PDPR: variants seen among roughly 807,000 people sequenced by gnomAD.
PDPR encodes the protein pyruvate dehydrogenase phosphatase regulatory subunit.
PDPR carries 50 observed loss-of-function variants against 102.2 expected under a neutral mutation model. That is an observed-to-expected ratio of 0.49 (90% CI 0.39 to 0.62). PDPR has a LOEUF of 0.62. PDPR is among the 20% of genes least tolerant of loss of function. PDPR has a pLI of 0.00. For missense variants in PDPR, 625 were observed against 1,098.2 expected, an observed-to-expected ratio of 0.57 and a Z score of 6.09; for synonymous variants, 259 against 406.0, an observed-to-expected ratio of 0.64 and a Z score of 4.35.
intron 9 of PDPR, among the ~76,000 whole-genome samples, chr16:70,134,785 C>CAAA (rs373669213): frequency 1.8e-3 from 242 of 136,888 alleles, no homozygotes; most frequent in African/African-American, 2.4e-3. Flanking sequence ...GACTCCATCT[C>CAAA]AAAAAAAAAA....
intron 9 of PDPR, among the ~76,000 whole-genome samples, 180 bp downstream of exon 9, chr16:70,132,480 G>A (rs1208227413): frequency 6.6e-6 from 1 of 152,236 alleles, no homozygotes; most frequent in Admixed American, 6.5e-5. Flanking sequence ...GCAGATTCAG[G>A]GGACTAAAAT....
chr16:70,116,034 T>C (rs1421957797), intron 2 of PDPR, among the ~76,000 whole-genome samples: 1 of 149,830 alleles, frequency 6.7e-6, no homozygotes, highest in African/African-American at 2.5e-5. Flanking sequence ...ACCACTTCAC[T>C]CTTTTGAAGG....
chr16:70,138,842 T>C (rs1264579559), intron 10 of PDPR, 57 bp from the exon 11 acceptor site: 3 of 1,606,250 alleles, frequency 1.9e-6, no homozygotes, highest in South Asian at 1.1e-5. Flanking sequence ...ATTTGTAGAA[T>C]ATTAATTTTC....
chr16:70,125,012 G>T (rs1214598921), intron 3 of PDPR, among the ~76,000 whole-genome samples: 1 of 152,192 alleles, frequency 6.6e-6, no homozygotes, highest in African/African-American at 2.4e-5. Context: ...ACAAATTAGA[G>T]AACATTTTTT....
chr16:70,130,433 C>A lies in PDPR; in HGVS notation c.618C>A (p.Ile206=), dbSNP rs753691201. ...ASAASQNGVQ[I]YDRTSVLHVM... is the part of the protein sequence containing the mutation. The stretch of plus-strand genomic sequence containing the variant: ...TTTACCTTGGAACAGGTGTTCAGAT[C>A]TATGACCGGACATCTGTTCTTCATG... Residue 206 remains isoleucine, a synonymous_variant, in exon 7 of 19, where the codon ATC becomes ATA. Transcript: ENST00000288050. 4 of 1,613,450 alleles carry A rather than the reference C, an allele frequency of 2.5e-6. No individual in the cohort carries two copies. The East Asian group carries it at 8.9e-5, about 36-fold the overall frequency.
intron 17 of PDPR, among the ~76,000 whole-genome samples, chr16:70,149,128 C>T (rs1379645355): frequency 6.6e-6 from 1 of 151,752 alleles, no homozygotes; most frequent in South Asian, 2.1e-4. Context: ...CTCCTGACCT[C>T]AGGTGATACA....
chr16:70,149,718 C>A (rs1439737609), intron 17 of PDPR, among the ~76,000 whole-genome samples: 1 of 152,260 alleles, frequency 6.6e-6, no homozygotes, highest in Non-Finnish European at 1.5e-5. Flanking sequence ...TATTTCTAGT[C>A]TTTTGCTGTT....
intron 3 of PDPR, among the ~76,000 whole-genome samples, chr16:70,123,357 C>T (rs1963552186): frequency 6.6e-6 from 1 of 152,250 alleles, no homozygotes; most frequent in African/African-American, 2.4e-5. Context: ...CCACCACAGC[C>T]TCCTGAGTAG....
intron 3 of PDPR, among the ~76,000 whole-genome samples, chr16:70,126,511 C>G (rs1414537851): frequency 2.8e-4 from 43 of 152,300 alleles, no homozygotes; most frequent in African/African-American, 1.0e-3. Context: ...CTACAGGCGC[C>G]TGCCACAATG....
Position 70,127,286 on chromosome 16 carries a change from G to C in PDPR, c.254G>C (p.Cys85Ser), listed in dbSNP as rs1339968038. Residue 85 changes from cysteine to serine, a missense_variant, in exon 4 of 19, where the codon TGT (cysteine) becomes TCT (serine). Coordinates refer to ENST00000288050, the MANE Select transcript of PDPR (RefSeq NM_017990.5). ...GRLAAGSTRF[C>S]AGILSTARHL... Reference sequence around the variant, plus strand: ...CTGGCTGCTGGCTCTACCAGGTTCTGTGCTGGCATCCTGAGCACTGCCAGG... The same window carrying C: ...CTGGCTGCTGGCTCTACCAGGTTCTCTGCTGGCATCCTGAGCACTGCCAGG... The C allele has an allele frequency of 6.2e-7, 1 of 1,607,352 alleles. No individual in the cohort carries two copies.
chr16:70,114,335 C>A lies in PDPR; in HGVS notation c.-248C>A, dbSNP rs566638522. On this transcript the variant is annotated 5_prime_UTR_variant, in exon 1 of 19. Coordinates refer to ENST00000288050, the MANE Select transcript of PDPR (RefSeq NM_017990.5). ...CGCTTCGCCCCGCCCCCTTCCCATC[C>A]CCGAACCCCGCTTTCCGGCCCGCGG... The A allele has an allele frequency of 1.3e-5, 2 of 152,196 alleles. No homozygotes were observed. Among genetic ancestry groups the A allele is most frequent in the African/African-American group, 4.8e-5 (2 of 41,468 alleles). The allele number at this position is 152,196 out of a possible 1,614,324, so 9.4% of individuals were successfully genotyped here. A position where few individuals can be genotyped will look rare whatever the true frequency, so the allele number is the denominator to read the frequency against.
In PDPR at chr16:70,157,351, G is replaced by A. The variant is rs970216437; in HGVS notation, c.*472G>A. ...CGGATGCAGCCCTGAGGGGCAGCTC[G>A]TGCCTGCAGCCCGGCAGCTCGTTCT... On this transcript the variant is annotated 3_prime_UTR_variant, in exon 19 of 19. Transcript: ENST00000288050. 1.9e-5 allele frequency: 7 copies of A among 376,362 alleles called. No homozygotes were observed. The highest frequency in any genetic ancestry group is 3.4e-5 in the Admixed American group (1 of 29,258). 23.3% of individuals were successfully genotyped at this position (376,362 alleles called of 1,614,324 possible). A position where few individuals can be genotyped will look rare whatever the true frequency, so the allele number is the denominator to read the frequency against.
intron 18 of PDPR, among the ~76,000 whole-genome samples, chr16:70,153,814 G>A (rs1406977260): frequency 1.3e-5 from 2 of 152,290 alleles, no homozygotes; most frequent in Non-Finnish European, 2.9e-5. Context: ...GGAGGCTGAG[G>A]CGGGTGGATC....
At chr16:70,134,535 G>C (rs1483854006) in intron 9 of PDPR, among the ~76,000 whole-genome samples, 1 of 148,320 alleles carries the variant, frequency 6.7e-6, no homozygotes, top group Non-Finnish European at 1.5e-5. Flanking sequence ...TTTAAGGCCT[G>C]TAATCCCAGC....
intron 13 of PDPR, 87 bp from the exon 14 acceptor site, chr16:70,143,423 T>C (rs1346545882): frequency 1.3e-6 from 2 of 1,500,940 alleles, no homozygotes; most frequent in East Asian, 2.3e-5. Flanking sequence ...TTGAATTTTC[T>C]CAATGAGGTT....
At chr16:70,128,096 T>G (rs1268472916) in intron 4 of PDPR, among the ~76,000 whole-genome samples, 1 of 152,274 alleles carries the variant, frequency 6.6e-6, no homozygotes, top group Non-Finnish European at 1.5e-5. Flanking sequence ...ATCCGACCCT[T>G]GGTAGCTGAT....
In PDPR at chr16:70,159,723, T is replaced by C. The variant is rs1026928859; in HGVS notation, c.*2844T>C. On this transcript the variant is annotated 3_prime_UTR_variant, in exon 19 of 19. Transcript: ENST00000288050. Reference sequence around the variant, plus strand: ...ACTTCCTGACCACCGGTGTCAGATATCAGAGCATTCTGGACTCCTGAGAGG... The same window carrying C: ...ACTTCCTGACCACCGGTGTCAGATACCAGAGCATTCTGGACTCCTGAGAGG... 11 of 152,906 alleles carry C rather than the reference T, an allele frequency of 7.2e-5. No homozygotes were observed. The highest frequency in any genetic ancestry group is 2.0e-4 in the Admixed American group (3 of 15,298). 9.5% of individuals were successfully genotyped at this position (152,906 alleles called of 1,614,324 possible).
At chr16:70,115,549 T>C (rs1962552773) in intron 2 of PDPR, among the ~76,000 whole-genome samples, 1 of 152,332 alleles carries the variant, frequency 6.6e-6, no homozygotes. Flanking sequence ...TAAACAAGTG[T>C]CCCAGGTGGT....
chr16:70,118,371 G>A (rs1032020610), intron 2 of PDPR, among the ~76,000 whole-genome samples: 1 of 152,256 alleles, frequency 6.6e-6, no homozygotes, highest in African/African-American at 2.4e-5. Context: ...ATTGAAGGTT[G>A]AGAGAGGAAT....
Sources: gnomAD v4.1 joint callset for allele counts (sites outside exome capture counted in the v4.1 genomes callset) on GRCh38, gnomAD v4.1.1 for gene constraint, MANE v1.5 for transcripts, NCBI Gene and HGNC (gene_info 2026-07-23, HGNC 2026-07-21) for gene names.